Variants in CDH23 observed in about 807,000 individuals in gnomAD.
CDH23 encodes the protein cadherin-23.
A neutral mutation model predicts 317.1 loss-of-function variants in CDH23; 189 were observed. The observed-to-expected ratio is 0.60, with a 90% CI of 0.53 to 0.67. The LOEUF (loss-of-function observed/expected upper bound fraction) is 0.67, where lower values mean the gene tolerates loss of function less well. Among genes scored for constraint, CDH23 ranks in the 30% least tolerant of loss-of-function variants. The pLI is 0.00. For missense variants in CDH23, 4,401 were observed against 4,592.4 expected, an observed-to-expected ratio of 0.96 and a Z score of 1.20; for synonymous variants, 1,839 against 1,876.8, an observed-to-expected ratio of 0.98 and a Z score of 0.52.
chr10:71,451,640 G>T (rs971072004), intron 3 of CDH23, among the ~76,000 whole-genome samples: 1 of 152,192 alleles, frequency 6.6e-6, no homozygotes, highest in Middle Eastern at 3.2e-3. Context: ...CTTGTTGGGG[G>T]TTAAGTGCTG....
chr10:71,677,883 T>A (rs1185659488), intron 16 of CDH23, among the ~76,000 whole-genome samples, 190 bp downstream of exon 16: 1 of 152,118 alleles, frequency 6.6e-6, no homozygotes, highest in Non-Finnish European at 1.5e-5. Context: ...CTCCTGTCTC[T>A]GCCTCCTTAG....
At chr10:71,674,235 C>T (rs1864265627) in intron 14 of CDH23, among the ~76,000 whole-genome samples, 1 of 152,108 alleles carries the variant, frequency 6.6e-6, no homozygotes, top group African/African-American at 2.4e-5. Context: ...ATGTACTAAA[C>T]ACAAATTAGC....
rs535841664 is a variant in CDH23 at position 71,496,514 on chromosome 10, T to C, written c.146-13568T>C. Among the ~76,000 whole-genome samples the C allele has an allele frequency of 2.7e-3, 413 of 152,274 alleles. 4 individuals are homozygous for C. The highest frequency in any genetic ancestry group is 9.6e-3 in the African/African-American group (398 of 41,556). Reference sequence around the variant, plus strand: ...CTGCCCAGTACATCACCTGGCGATTTAGAACTTTCCAAAGCCCAAGCTGGC... The same window carrying C: ...CTGCCCAGTACATCACCTGGCGATTCAGAACTTTCCAAAGCCCAAGCTGGC... On this transcript the variant is annotated intron_variant, in intron 3 of 69. Coordinates refer to ENST00000224721, the MANE Select transcript of CDH23 (RefSeq NM_022124.6).
intron 38 of CDH23, chr10:71,742,180 C>G (rs1459874416): frequency 3.7e-6 from 2 of 541,302 alleles, no homozygotes; most frequent in East Asian, 5.9e-5. Flanking sequence ...TCTTTTCTCT[C>G]ACAGAGCAGC....
At chr10:71,420,407 A>ATGG (rs1848703316) in intron 1 of CDH23, among the ~76,000 whole-genome samples, 1 of 145,966 alleles carries the variant, frequency 6.9e-6, no homozygotes, top group African/African-American at 2.6e-5. Flanking sequence ...GGTGATGGTG[A>ATGG]TGATGATGGT....
rs67337082 is a variant in CDH23, at chr10:71,667,359, A to AGTGTGTGTGTGTGT, written c.1450-7729_1450-7716dup. Among the ~76,000 whole-genome samples the AGTGTGTGTGTGTGT allele has an allele frequency of 3.3e-3, 371 of 112,030 alleles. 4 individuals carry two copies. Among genetic ancestry groups the AGTGTGTGTGTGTGT allele is most frequent in the Non-Finnish European group, 4.2e-3 (243 of 57,684 alleles). 73.5% of individuals were successfully genotyped at this position (112,030 alleles called of 152,430 possible). On this transcript the variant is annotated intron_variant, in intron 14 of 69. Coordinates refer to ENST00000224721, the MANE Select transcript of CDH23 (RefSeq NM_022124.6). The stretch of plus-strand genomic sequence containing the variant: ...GCTTGAGGCAGAGAAAGAGAGAGAG[A>AGTGTGTGTGTGTGT]GTGTGTGTGTGTGTGTGTGTGTGTG...
chr10:71,810,252 C>T (rs572230587), intron 61 of CDH23, among the ~76,000 whole-genome samples, 176 bp downstream of exon 61: 2 of 152,348 alleles, frequency 1.3e-5, no homozygotes, highest in Admixed American at 6.5e-5. Flanking sequence ...CTCTGGGCCT[C>T]AGTTTCCTCT....
intron 38 of CDH23, among the ~76,000 whole-genome samples, chr10:71,759,846 C>CACACAT (rs776230069): frequency 0.013 from 791 of 59,980 alleles, 35 homozygotes; most frequent in Non-Finnish European, 0.014. Flanking sequence ...CACACACACA[C>CACACAT]ATATACACAC....
At chr10:71,561,154 G>GTTCCTTTCTCCCCAAGT (rs1398177721) in intron 6 of CDH23, among the ~76,000 whole-genome samples, 6 of 151,510 alleles carry the variant, frequency 4.0e-5, no homozygotes, top group African/African-American at 1.2e-4. Context: ...GTTTCAGTTA[G>GTTCCTTTCTCCCCAAGT]TTCCTTTCTC....
intron 40 of CDH23, 127 bp downstream of exon 40, chr10:71,778,435 T>C (rs1311833127): frequency 8.8e-6 from 11 of 1,244,964 alleles, no homozygotes; most frequent in South Asian, 2.8e-5. Flanking sequence ...CCAAGACCCC[T>C]GTCCTAATCT....
intron 4 of CDH23, among the ~76,000 whole-genome samples, 173 bp from the exon 5 acceptor site, chr10:71,510,781 C>T (rs549812730): frequency 2.6e-4 from 39 of 152,242 alleles, no homozygotes; most frequent in African/African-American, 7.9e-4. Flanking sequence ...ATATTCCACA[C>T]CTGCTTCCCC....
intron 38 of CDH23, among the ~76,000 whole-genome samples, chr10:71,777,369 G>C (rs1371557969): frequency 6.6e-6 from 1 of 152,160 alleles, no homozygotes; most frequent in Non-Finnish European, 1.5e-5. Context: ...AGACCACTGT[G>C]CTAACAAGGA....
At chr10:71,450,231 G>A (rs548155480) in intron 3 of CDH23, among the ~76,000 whole-genome samples, 3 of 151,790 alleles carry the variant, frequency 2.0e-5, no homozygotes, top group Non-Finnish European at 4.4e-5. Context: ...TGCTGCAGGG[G>A]TGCTGTCTCC....
chr10:71,453,107 A>C (rs1289350337), intron 3 of CDH23, among the ~76,000 whole-genome samples: 1 of 152,224 alleles, frequency 6.6e-6, no homozygotes. Flanking sequence ...AGCCAGAACC[A>C]CCAGCACCCC....
intron 1 of CDH23, among the ~76,000 whole-genome samples, chr10:71,405,536 C>G (rs778899839): frequency 1.1e-4 from 16 of 150,990 alleles, no homozygotes; most frequent in Admixed American, 4.0e-4. Flanking sequence ...CTCCCAGATT[C>G]AAACAATTCT....
At chr10:71,419,365 G>A (rs1419358041) in intron 1 of CDH23, among the ~76,000 whole-genome samples, 1 of 152,134 alleles carries the variant, frequency 6.6e-6, no homozygotes, top group Non-Finnish European at 1.5e-5. Flanking sequence ...GTACATCACT[G>A]TGCCCTTTCC....
In CDH23 at chr10:71,524,440, G is replaced by A. The variant is rs145549663; in HGVS notation, c.429+13228G>A. 7.9e-4 allele frequency among the ~76,000 whole-genome samples: 121 copies of A among 152,348 alleles called. 1 individual carries two copies. Among genetic ancestry groups the A allele is most frequent in the East Asian group, 6.4e-3 (33 of 5,182 alleles). ...GTTCGAGCTCCCTGCCAGGCCGTGG[G>A]AGAAGGGCTGAGTCTGGCCTCGTCA... On this transcript the variant is annotated intron_variant, in intron 6 of 69. Transcript: ENST00000224721.
chr10:71,472,679 C>T (rs1243877188), intron 3 of CDH23, among the ~76,000 whole-genome samples: 1 of 152,184 alleles, frequency 6.6e-6, no homozygotes, highest in Non-Finnish European at 1.5e-5. Context: ...GGCCTGAGCC[C>T]TTGTGCTGGG....
intron 38 of CDH23, among the ~76,000 whole-genome samples, chr10:71,755,945 T>C (rs2132873662): frequency 6.6e-6 from 1 of 152,292 alleles, no homozygotes; most frequent in East Asian, 1.9e-4. Context: ...AGGCTTAAAA[T>C]GGTTGAAATG....
Sources: allele counts gnomAD v4.1 joint callset (sites outside exome capture counted in the v4.1 genomes callset), GRCh38; gene constraint gnomAD v4.1.1; transcripts MANE v1.5; gene names NCBI Gene and HGNC (gene_info 2026-07-23, HGNC 2026-07-21).